CWC25: variants seen among roughly 807,000 people sequenced by gnomAD.
The protein encoded by CWC25 is pre-mRNA-splicing factor CWC25 homolog.
A neutral mutation model predicts 54.6 loss-of-function variants in CWC25; 31 were observed. That is an observed-to-expected ratio of 0.57 (90% confidence interval 0.43 to 0.77). The LOEUF (loss-of-function observed/expected upper bound fraction) is 0.77. Among genes scored for constraint, CWC25 ranks in the 30% least tolerant of loss-of-function variants. CWC25 has a pLI of 0.00. For missense variants in CWC25, 453 were observed against 529.3 expected (o/e 0.86, Z 1.41); for synonymous variants, 151 against 187.0 (o/e 0.81, Z 1.57).
rs561182829 is a variant in CWC25, at chr17:38,820,752, T to C, written c.191+149A>G. On this transcript the variant is annotated intron_variant, in intron 2 of 9. Coordinates refer to ENST00000614790, the MANE Select transcript of CWC25 (RefSeq NM_017748.5). ...AATTTGATCACAGTTCCACAGCTAG[T>C]ACATGCAAAGCCAACCTTAGAATCC... 1.8e-3 allele frequency: 1,610 copies of C among 907,438 alleles called. 3 individuals carry two copies. Among genetic ancestry groups the C allele is most frequent in the Non-Finnish European group, 2.4e-3 (1,479 of 604,442 alleles). 56.2% of individuals were successfully genotyped at this position (907,438 alleles called of 1,614,324 possible). A position where few individuals can be genotyped will look rare whatever the true frequency, so the allele number is the denominator to read the frequency against.
intron 2 of CWC25, among the ~76,000 whole-genome samples, chr17:38,817,552 G>A (rs1444621683): frequency 1.3e-5 from 2 of 151,672 alleles, no homozygotes; most frequent in African/African-American, 4.8e-5. Context: ...ACTTTGGGAG[G>A]CAAAGATGGG....
At position 38,812,742 on chromosome 17, in the gene CWC25, T is replaced by G. The variant is rs374166720; in HGVS notation, c.498+53A>C. 1.1e-4 allele frequency: 121 copies of G among 1,057,792 alleles called. No homozygotes were observed. The African/African-American group carries it at 1.6e-3, about 14-fold the overall frequency. 65.5% of individuals were successfully genotyped at this position (1,057,792 alleles called of 1,614,324 possible). On this transcript the variant is annotated intron_variant, in intron 4 of 9. Coordinates refer to ENST00000614790, the MANE Select transcript of CWC25 (RefSeq NM_017748.5). ...GCTGAGAGTAAATGGAGAGACGTTC[T>G]CACGTTATATGGCTAAAAGATGCTC...
chr17:38,808,647 G>A (rs1409984389), intron 6 of CWC25, among the ~76,000 whole-genome samples: 1 of 144,250 alleles, frequency 6.9e-6, no homozygotes, highest in African/African-American at 2.5e-5. Flanking sequence ...CAGGTGTGAT[G>A]GCAGGTGCCT....
At chr17:38,804,785 G>GCGACAGA (rs1911162774) in intron 8 of CWC25, among the ~76,000 whole-genome samples, 1 of 136,594 alleles carries the variant, frequency 7.3e-6, no homozygotes, top group African/African-American at 2.9e-5. Context: ...TGCAGCCTGG[G>GCGACAGA]CGACAGAGCG....
At position 38,825,232 on chromosome 17, in the gene CWC25, G is replaced by C. The variant is rs1299422232; in HGVS notation, c.-49C>G. 6.4e-7 allele frequency: 1 copy of C among 1,565,868 alleles called. No individual in the cohort carries two copies. The highest frequency in any genetic ancestry group is 1.4e-5 in the African/African-American group (1 of 73,766). Reference sequence around the variant, plus strand: ...ACGCGGATCTGGAAGATTTCGGGAGGATCAAGAGAAAACGTAGAGAAATAG... The same window carrying C: ...ACGCGGATCTGGAAGATTTCGGGAGCATCAAGAGAAAACGTAGAGAAATAG... On this transcript the variant is annotated 5_prime_UTR_variant, in exon 1 of 10. The change creates a new upstream start codon in the 5' untranslated region. Coordinates refer to ENST00000614790, the MANE Select transcript of CWC25 (RefSeq NM_017748.5).
At chr17:38,805,976 C>G (rs1485477998) in intron 8 of CWC25, among the ~76,000 whole-genome samples, 3 of 152,144 alleles carry the variant, frequency 2.0e-5, no homozygotes, top group African/African-American at 7.2e-5. Flanking sequence ...CCATGACCAA[C>G]TAATTTTATA....
intron 2 of CWC25, chr17:38,815,528 G>A (rs1321559688): frequency 9.2e-6 from 5 of 545,522 alleles, no homozygotes; most frequent in South Asian, 4.6e-5. Context: ...CTCCAGCCTG[G>A]GTGACGGAGC....
At chr17:38,815,845 G>T in intron 2 of CWC25, 1 of 337,956 alleles carries the variant, frequency 3.0e-6, no homozygotes, top group Non-Finnish European at 5.5e-6. Flanking sequence ...GGTGCTTGTG[G>T]GCACACAGAC....
chr17:38,806,276 T>A (rs372760107), intron 8 of CWC25, 21 bp downstream of exon 8: 289 of 1,591,978 alleles, frequency 1.8e-4, no homozygotes, highest in Non-Finnish European at 2.3e-4. Context: ...ATGTGGTTAA[T>A]CAACTGGGCT....
chr17:38,807,460 G>T (rs1911302527), intron 6 of CWC25, among the ~76,000 whole-genome samples: 1 of 140,628 alleles, frequency 7.1e-6, no homozygotes, highest in Non-Finnish European at 1.6e-5. Flanking sequence ...TCCCCTAAAA[G>T]AATCTCCTTC....
chr17:38,819,232 C>T (rs996069797), intron 2 of CWC25, among the ~76,000 whole-genome samples: 2 of 150,870 alleles, frequency 1.3e-5, no homozygotes, highest in Non-Finnish European at 3.0e-5. Context: ...CGAAGTCTTA[C>T]TCTGTCACCC....
At chr17:38,822,224 C>A (rs935007109) in intron 1 of CWC25, among the ~76,000 whole-genome samples, 2 of 151,768 alleles carry the variant, frequency 1.3e-5, no homozygotes, top group African/African-American at 4.8e-5. Context: ...CCACCACACT[C>A]GGCTAATTTT....
intron 2 of CWC25, among the ~76,000 whole-genome samples, chr17:38,820,175 T>C (rs1362124320): frequency 6.6e-6 from 1 of 152,200 alleles, no homozygotes; most frequent in East Asian, 1.9e-4. Flanking sequence ...GCTCAAGTGA[T>C]TTCTCAGCCT....
chr17:38,810,170 G>A, intron 5 of CWC25: 1 of 443,526 alleles, frequency 2.3e-6, no homozygotes, highest in Non-Finnish European at 4.0e-6. Context: ...AAGCTGAGAT[G>A]AAACAGAGTC....
intron 4 of CWC25, among the ~76,000 whole-genome samples, chr17:38,812,083 C>A (rs1567672595): frequency 6.6e-6 from 1 of 152,014 alleles, no homozygotes; most frequent in Non-Finnish European, 1.5e-5. Context: ...GGATTACAGG[C>A]ATGAACCACC....
chr17:38,802,559 G>C, intron 9 of CWC25, 141 bp downstream of exon 9: 1 of 844,826 alleles, frequency 1.2e-6, no homozygotes, highest in Non-Finnish European at 1.8e-6. Flanking sequence ...TGTGTGGTCA[G>C]AAAGGAAGAG....
rs377007189 is a variant in CWC25 at position 38,820,922 on chromosome 17, G to A, written c.170C>T (p.Ala57Val). 7 of 1,613,102 alleles carry A rather than the reference G, an allele frequency of 4.3e-6. No individual in the cohort carries two copies. Among genetic ancestry groups the A allele is most frequent in the East Asian group, 4.5e-5 (2 of 44,870 alleles). Residue 57 changes from alanine to valine, a missense_variant, in exon 2 of 10, where the codon GCG (alanine) becomes GTG (valine). This residue lies in a region of CWC25 where 444 missense variants were observed against 499.2 expected (regional missense o/e 0.89). Transcript: ENST00000614790. ...TTACTTGACGGCCCCAACATCCTCC[G>A]CATAGCGCTGCATCTCTTCCCGGGC... Reference protein sequence around the residue: ...ERAREEMQRYAEDVGAVKKKE... With the variant: ...ERAREEMQRYVEDVGAVKKKE...
chr17:38,806,065 G>A (rs914108294), intron 8 of CWC25, among the ~76,000 whole-genome samples: 3 of 152,182 alleles, frequency 2.0e-5, no homozygotes, highest in Non-Finnish European at 2.9e-5. Flanking sequence ...ACCCACCTCA[G>A]CCTCCCAAAC....
At chr17:38,812,197 A>T (rs572989406) in intron 4 of CWC25, among the ~76,000 whole-genome samples, 1 of 152,168 alleles carries the variant, frequency 6.6e-6, no homozygotes, top group Non-Finnish European at 1.5e-5. Flanking sequence ...TCGGCCTCCC[A>T]AAATGCTGGA....
Sources: gnomAD v4.1 joint callset for allele counts (sites outside exome capture counted in the v4.1 genomes callset) on GRCh38, gnomAD v4.1.1 for gene constraint, gnomAD v4.1.1 regional missense constraint, MANE v1.5 for transcripts, NCBI Gene and HGNC (gene_info 2026-07-23, HGNC 2026-07-21) for gene names.